The following PRRC2B variants were observed in gnomAD, a reference collection of about 807,000 sequenced individuals.
The protein encoded by PRRC2B is protein PRRC2B.
Under a neutral mutation model 242.3 loss-of-function variants are expected in PRRC2B, and 68 were observed. The observed-to-expected ratio is 0.28, with a 90% confidence interval of 0.23 to 0.34. The LOEUF (loss-of-function observed/expected upper bound fraction) is 0.34, where lower values mean the gene tolerates loss of function less well. Ranked by LOEUF, PRRC2B falls within the 10% of genes least tolerant of loss-of-function variation. The pLI, the probability that PRRC2B is intolerant of heterozygous loss-of-function variation, is 1.00. For synonymous variants in PRRC2B, 1,228 were observed against 1,173.6 expected (o/e 1.05, Z -0.95); for missense variants, 2,835 against 2,954.8 (o/e 0.96, Z 0.94).
chr9:131,435,912 A>G (rs914840761), intron 3 of PRRC2B, among the ~76,000 whole-genome samples: 5 of 152,250 alleles, frequency 3.3e-5, no homozygotes, highest in Admixed American at 3.3e-4. Flanking sequence ...ACAGGTATAG[A>G]AAAGTCTGCT....
intron 1 of PRRC2B, among the ~76,000 whole-genome samples, chr9:131,418,978 G>C (rs542749125): frequency 6.6e-6 from 1 of 152,290 alleles, no homozygotes; most frequent in African/African-American, 2.4e-5. Context: ...CTGGGAGCTG[G>C]TTTAGGGATG....
At chr9:131,382,798 C>T (rs1588233055) in intron 1 of PRRC2B, among the ~76,000 whole-genome samples, 1 of 152,140 alleles carries the variant, frequency 6.6e-6, no homozygotes, top group Non-Finnish European at 1.5e-5. Flanking sequence ...GTGTGCACCA[C>T]CACGCCCGGC....
At chr9:131,447,983 C>CT in intron 9 of PRRC2B, 179 bp downstream of exon 9, 1 of 500,726 alleles carries the variant, frequency 2.0e-6, no homozygotes, top group Admixed American at 3.7e-5. Context: ...CTAGAGGTTC[C>CT]TTCCTGGCCA....
rs182637203 is a variant in PRRC2B, at chr9:131,386,408, C to T, written c.-56+12677C>T. 8.6e-5 allele frequency among the ~76,000 whole-genome samples: 13 copies of T among 150,526 alleles called. No homozygotes were observed. In the East Asian group the frequency reaches 1.2e-3, roughly 14 times the overall value. On this transcript the variant is annotated intron_variant, in intron 1 of 1. Transcript: ENST00000682525. ...CCGTGATTATAGGTGTGAGCCACTGCGCCTGGCCTATGCCTGTGGCTTTTT... is the reference window on the plus strand; with the variant it reads ...CCGTGATTATAGGTGTGAGCCACTGTGCCTGGCCTATGCCTGTGGCTTTTT...
chr9:131,485,087 T>A lies in PRRC2B; in HGVS notation c.5705T>A (p.Val1902Glu), dbSNP rs1943980999. 1 of 1,604,244 alleles carries A rather than the reference T, an allele frequency of 6.2e-7. No homozygotes were observed. The highest frequency in any genetic ancestry group is 1.7e-5 in the Admixed American group (1 of 58,902). The change falls in exon 25 of 32, where the codon GTG becomes GAG. Residue 1902 changes from valine (V) to glutamate (E), a missense_variant. Val to Glu is a moderately radical substitution (Grantham distance 121). This residue lies in a region of PRRC2B where 574 missense variants were observed against 626.0 expected (regional missense o/e 0.92). Transcript: ENST00000683519. ...SGVNYSSFGG[V>E]SMPPMPVASV... ...GTCAACTACAGCTCCTTCGGTGGAG[T>A]GTCCATGCCACCCATGCCTGTGGCC...
chr9:131,431,045 G>T (rs1381099492), intron 2 of PRRC2B, among the ~76,000 whole-genome samples: 5 of 151,186 alleles, frequency 3.3e-5, no homozygotes, highest in Non-Finnish European at 7.4e-5. Flanking sequence ...TCACCTCCTA[G>T]GTTCAAGTGA....
chr9:131,429,302 T>A (rs1338369768), intron 1 of PRRC2B, among the ~76,000 whole-genome samples: 1 of 151,778 alleles, frequency 6.6e-6, no homozygotes, highest in African/African-American at 2.4e-5. Flanking sequence ...AGTGAACTGA[T>A]GAGGAGAGCA....
intron 1 of PRRC2B, among the ~76,000 whole-genome samples, chr9:131,374,715 C>T (rs988557045): frequency 6.6e-6 from 1 of 152,000 alleles, no homozygotes; most frequent in African/African-American, 2.4e-5. Context: ...TTAGTAGAGA[C>T]GGGGTTTCTC....
At chr9:131,405,871 A>G (rs1274335643) in intron 1 of PRRC2B, among the ~76,000 whole-genome samples, 1 of 152,150 alleles carries the variant, frequency 6.6e-6, no homozygotes, top group Non-Finnish European at 1.5e-5. Flanking sequence ...GCTGCCTTCA[A>G]GTCCAGGTTC....
intron 1 of PRRC2B, among the ~76,000 whole-genome samples, chr9:131,387,009 TC>T (rs1483323219): frequency 1.5e-4 from 23 of 149,184 alleles, no homozygotes; most frequent in African/African-American, 2.9e-4. Flanking sequence ...TTTCTTTCTT[TC>T]TTTCTTTTTT....
intron 1 of PRRC2B, among the ~76,000 whole-genome samples, chr9:131,415,289 A>G (rs1396525875): frequency 6.6e-6 from 1 of 152,224 alleles, no homozygotes; most frequent in African/African-American, 2.4e-5. Context: ...GCCAACAGCA[A>G]CTATCTTAAT....
intron 19 of PRRC2B, 146 bp from the exon 20 acceptor site, chr9:131,481,580 C>T (rs950117526): frequency 1.8e-5 from 12 of 654,802 alleles, no homozygotes; most frequent in East Asian, 2.8e-5. Context: ...CTGGGTGTCA[C>T]GGGTAGGGGG....
At chr9:131,390,663 TAG>T (rs1327883787), upstream of PRRC2B, among the ~76,000 whole-genome samples, 1 of 150,950 alleles carries the variant, frequency 6.6e-6, no homozygotes, top group East Asian at 2.0e-4. Flanking sequence ...TTTGTATTTT[TAG>T]TAGAGATGGG....
intron 5 of PRRC2B, among the ~76,000 whole-genome samples, chr9:131,440,414 AATAG>A (rs557290027): frequency 5.5e-4 from 84 of 152,252 alleles, no homozygotes; most frequent in Middle Eastern, 6.8e-3. Context: ...AATTTTTAAA[AATAG>A]ATAGAATATA....
chr9:131,452,614 G>A (rs1193692896), intron 9 of PRRC2B, among the ~76,000 whole-genome samples: 5 of 11,800 alleles, frequency 4.2e-4, no homozygotes, highest in South Asian at 0.012. Flanking sequence ...TTCTGCCAAG[G>A]AATTGAATTG....
intron 1 of PRRC2B, among the ~76,000 whole-genome samples, chr9:131,406,394 T>C (rs2131290850): frequency 6.6e-6 from 1 of 152,284 alleles, no homozygotes; most frequent in African/African-American, 2.4e-5. Context: ...TGTTGTGTTG[T>C]GTTCTTGGGG....
intron 1 of PRRC2B, among the ~76,000 whole-genome samples, chr9:131,429,294 T>TGAAC (rs1838061485): frequency 6.6e-6 from 1 of 151,984 alleles, no homozygotes; most frequent in Non-Finnish European, 1.5e-5. Flanking sequence ...AGTGAGTGAG[T>TGAAC]GAACTGATGA....
intron 1 of PRRC2B, among the ~76,000 whole-genome samples, chr9:131,405,545 C>T (rs56000676): frequency 0.14 from 21,517 of 152,094 alleles, 1,748 homozygotes; most frequent in African/African-American, 0.21. Context: ...ACTTGCCACC[C>T]CTCCTGCCCC....
rs1334246282 is a variant in PRRC2B at position 131,476,068 on chromosome 9, C to A, written c.3939C>A (p.Phe1313Leu). 7 of 1,607,120 alleles carry A rather than the reference C, an allele frequency of 4.4e-6. No individual in the cohort carries two copies. The highest frequency in any genetic ancestry group is 6.0e-6 in the Non-Finnish European group (7 of 1,175,674). The change falls in exon 16 of 32, where the codon TTC becomes TTA. Residue 1313 changes from phenylalanine to leucine, a missense_variant. Around this residue, in one of 7 missense-constraint regions of PRRC2B, gnomAD observed 1,536 missense variants for 1,483.1 expected, o/e 1.04. Coordinates refer to ENST00000683519, the MANE Select transcript of PRRC2B (RefSeq NM_013318.4). ...RPPRQDKPPRFRRLRQERESL... is the reference protein window; with the variant it reads ...RPPRQDKPPRLRRLRQERESL... Reference sequence around the variant, plus strand: ...CACGCCAAGATAAGCCCCCTCGATTCCGGCGCCTCCGGCAAGAGCGGGAGT... The same window carrying A: ...CACGCCAAGATAAGCCCCCTCGATTACGGCGCCTCCGGCAAGAGCGGGAGT...
Sources: allele counts gnomAD v4.1 joint callset (sites outside exome capture counted in the v4.1 genomes callset), GRCh38; gene constraint gnomAD v4.1.1; regional missense constraint gnomAD v4.1.1; transcripts MANE v1.5; gene names NCBI Gene and HGNC (gene_info 2026-07-23, HGNC 2026-07-21).